ATXN7L1: variants seen among roughly 807,000 people sequenced by gnomAD.
The protein encoded by ATXN7L1 is ataxin 7 like 1.
In ATXN7L1, 15 loss-of-function variants were observed where a neutral mutation model predicts 70.8. The ratio of observed to expected loss-of-function variants is 0.21; its 90% confidence interval spans 0.14 to 0.33. The LOEUF (loss-of-function observed/expected upper bound fraction) is 0.33. Among genes scored for constraint, ATXN7L1 ranks in the 10% least tolerant of loss-of-function variants. The pLI, the probability that ATXN7L1 is intolerant of heterozygous loss-of-function variation, is 1.00. For missense variants in ATXN7L1, 975 were observed against 1,097.1 expected, an observed-to-expected ratio of 0.89 and a Z score of 1.57; for synonymous variants, 440 against 445.1, an observed-to-expected ratio of 0.99 and a Z score of 0.14.
chr7:105,807,767 G>A (rs1012466012), intron 2 of ATXN7L1, among the ~76,000 whole-genome samples: 1 of 152,214 alleles, frequency 6.6e-6, no homozygotes, highest in Non-Finnish European at 1.5e-5. Context: ...TCCAGACCGA[G>A]CAGCCTCCCA....
At chr7:105,679,838 G>T (rs1333364348) in intron 3 of ATXN7L1, among the ~76,000 whole-genome samples, 1 of 151,886 alleles carries the variant, frequency 6.6e-6, no homozygotes, top group Non-Finnish European at 1.5e-5. Flanking sequence ...AGGGGTGATG[G>T]TTGCACAACA....
At chr7:105,740,614 A>G (rs1797885152) in intron 3 of ATXN7L1, among the ~76,000 whole-genome samples, 1 of 152,036 alleles carries the variant, frequency 6.6e-6, no homozygotes, top group Non-Finnish European at 1.5e-5. Flanking sequence ...AGGGTGACGT[A>G]ACACAAGAAA....
Position 105,788,815 on chromosome 7 carries a change from C to T in ATXN7L1, c.251-107G>A, listed in dbSNP as rs555929608. The T allele has an allele frequency of 1.1e-3, 979 of 857,944 alleles. 3 individuals are homozygous for T. The highest frequency in any genetic ancestry group is 1.5e-3 in the Non-Finnish European group (785 of 523,908). 53.1% of individuals were successfully genotyped at this position (857,944 alleles called of 1,614,324 possible). ...CAAGGACAGTTTTTCAAACACAACA[C>T]GCAGAAAGGCAATAATCTTTACTAA... On this transcript the variant is annotated intron_variant, in intron 2 of 11. Transcript: ENST00000419735.
chr7:105,687,599 C>T (rs568124262), intron 3 of ATXN7L1, among the ~76,000 whole-genome samples: 54 of 152,316 alleles, frequency 3.5e-4, no homozygotes, highest in African/African-American at 1.3e-3. Flanking sequence ...CTTCCAGAAT[C>T]ATGAGAAAAT....
intron 3 of ATXN7L1, 187 bp downstream of exon 3, chr7:105,788,417 G>T (rs67453058): frequency 1.7e-6 from 1 of 577,580 alleles, no homozygotes; most frequent in Non-Finnish European, 3.1e-6. Flanking sequence ...ACAGGACTGC[G>T]GATTTCAGCA....
intron 3 of ATXN7L1, among the ~76,000 whole-genome samples, chr7:105,767,544 C>T (rs1334033491): frequency 1.3e-5 from 2 of 152,200 alleles, no homozygotes; most frequent in African/African-American, 4.8e-5. Flanking sequence ...AGAGAAGTGC[C>T]TTGCTGTGTT....
At chr7:105,832,580 C>A (rs1811766567) in intron 2 of ATXN7L1, among the ~76,000 whole-genome samples, 1 of 152,212 alleles carries the variant, frequency 6.6e-6, no homozygotes, top group Non-Finnish European at 1.5e-5. Context: ...TGCCCCTGCA[C>A]CTTCTGTGCA....
chr7:105,706,910 C>T (rs1371724027), intron 3 of ATXN7L1, among the ~76,000 whole-genome samples: 8 of 152,214 alleles, frequency 5.3e-5, no homozygotes, highest in African/African-American at 1.9e-4. Flanking sequence ...AGTGTGGCTG[C>T]TCTGATGCCA....
intron 4 of ATXN7L1, among the ~76,000 whole-genome samples, chr7:105,650,605 C>G (rs1008343337): frequency 2.6e-5 from 4 of 152,194 alleles, no homozygotes; most frequent in Admixed American, 1.3e-4. Context: ...AATGGGTTAG[C>G]AGGGCTCAAT....
At chr7:105,716,598 G>C (rs1243059444) in intron 3 of ATXN7L1, among the ~76,000 whole-genome samples, 1 of 150,768 alleles carries the variant, frequency 6.6e-6, no homozygotes, top group Non-Finnish European at 1.5e-5. Context: ...GGGAGACCTA[G>C]GTGGGCAGAT....
intron 3 of ATXN7L1, among the ~76,000 whole-genome samples, chr7:105,667,688 G>A (rs1802867083): frequency 1.3e-5 from 1 of 75,252 alleles, no homozygotes. Context: ...GACAGAGCGA[G>A]ACTCCGTCTC....
At chr7:105,741,684 AC>A (rs1584895683) in intron 3 of ATXN7L1, among the ~76,000 whole-genome samples, 2 of 152,162 alleles carry the variant, frequency 1.3e-5, no homozygotes, top group African/African-American at 4.8e-5. Context: ...AAACACTAGC[AC>A]CTGTGAACGT....
intron 3 of ATXN7L1, among the ~76,000 whole-genome samples, chr7:105,745,385 C>G (rs1201804387): frequency 2.6e-5 from 4 of 152,196 alleles, no homozygotes; most frequent in Non-Finnish European, 5.9e-5. Flanking sequence ...TCCTCTTTCT[C>G]TTTTAACATC....
At chr7:105,797,026 A>T (rs1461829368) in intron 2 of ATXN7L1, among the ~76,000 whole-genome samples, 1 of 152,202 alleles carries the variant, frequency 6.6e-6, no homozygotes, top group African/African-American at 2.4e-5. Flanking sequence ...AAAATCAGTG[A>T]AATCTGCAAA....
chr7:105,774,717 C>T (rs1802490690), intron 3 of ATXN7L1, among the ~76,000 whole-genome samples: 2 of 151,952 alleles, frequency 1.3e-5, no homozygotes, highest in South Asian at 2.1e-4. Context: ...ATTATTAATG[C>T]GCTTTGGTTA....
intron 3 of ATXN7L1, 85 bp from the exon 4 acceptor site, chr7:105,665,373 C>T: frequency 8.7e-7 from 1 of 1,148,374 alleles, no homozygotes. Flanking sequence ...AAACACACAA[C>T]AGGCGGAGAG....
intron 3 of ATXN7L1, among the ~76,000 whole-genome samples, chr7:105,692,361 A>ATTTC (rs1288110440): frequency 1.2e-3 from 146 of 122,222 alleles, no homozygotes; most frequent in Middle Eastern, 8.9e-3. Flanking sequence ...TGCTGGATGA[A>ATTTC]TTTCTTTCTT....
chr7:105,817,906 C>T (rs1350438017), intron 2 of ATXN7L1, among the ~76,000 whole-genome samples: 1 of 152,144 alleles, frequency 6.6e-6, no homozygotes, highest in Non-Finnish European at 1.5e-5. Flanking sequence ...GCCTGGGCAA[C>T]AGAGCAAGAC....
intron 2 of ATXN7L1, 80 bp downstream of exon 2, chr7:105,875,732 G>A: frequency 7.2e-7 from 1 of 1,380,068 alleles, no homozygotes; most frequent in Non-Finnish European, 1.0e-6. Flanking sequence ...GTACCCAGCA[G>A]AACAATTCAC....
Sources: allele counts gnomAD v4.1 joint callset (sites outside exome capture counted in the v4.1 genomes callset), GRCh38; gene constraint gnomAD v4.1.1; transcripts MANE v1.5; gene names NCBI Gene and HGNC (gene_info 2026-07-23, HGNC 2026-07-21).